The following NSD1 variants were observed in gnomAD, a reference collection of about 807,000 sequenced individuals.
NSD1 encodes histone-lysine N-methyltransferase, H3 lysine-36 specific.
A neutral mutation model predicts 242.7 loss-of-function variants in NSD1; 26 were observed. The ratio of observed to expected loss-of-function variants is 0.11; its 90% CI spans 0.08 to 0.15. NSD1 has a LOEUF of 0.15. NSD1 is among the 10% of genes least tolerant of loss of function. NSD1 has a pLI of 1.00. For missense variants in NSD1, 2,495 were observed against 3,272.8 expected (o/e 0.76, Z 5.80); for synonymous variants, 1,106 against 1,178.1 (o/e 0.94, Z 1.25).
rs765422367 is a variant in NSD1, at chr5:177,257,087, G to A, written c.4902G>A (p.Arg1634=). Residue 1634 remains arginine (R), a synonymous_variant, in exon 13 of 23, where the codon CGG becomes CGA. Transcript: ENST00000439151. ...CTGTTATGCAGAACAAGGGCTTCCG[G>A]TGCTCCCTCCACATCTGTATAACCT... ...PPTVMQNKGF[R]CSLHICITCH... 1.9e-6 allele frequency: 3 copies of A among 1,614,082 alleles called. No homozygotes were observed. The highest frequency in any genetic ancestry group is 4.5e-5 in the East Asian group (2 of 44,878).
intron 8 of NSD1, among the ~76,000 whole-genome samples, chr5:177,240,862 A>G (rs770778707): frequency 6.6e-6 from 1 of 152,092 alleles, no homozygotes; most frequent in Non-Finnish European, 1.5e-5. Context: ...AACTGTCCCA[A>G]AAAAACCCCA....
intron 8 of NSD1, among the ~76,000 whole-genome samples, chr5:177,243,338 C>T (rs1429035549): frequency 1.3e-5 from 2 of 152,274 alleles, no homozygotes; most frequent in Admixed American, 1.3e-4. Flanking sequence ...GCATGTGCCA[C>T]TGCACCTAGC....
intron 2 of NSD1, among the ~76,000 whole-genome samples, chr5:177,152,149 T>G (rs1187547962): frequency 6.6e-6 from 1 of 152,004 alleles, no homozygotes. Context: ...TGTGAGCCAC[T>G]GCACCTGGCC....
At chr5:177,192,084 T>C (rs1761734387) in intron 3 of NSD1, 65 bp downstream of exon 3, 5 of 1,352,824 alleles carry the variant, frequency 3.7e-6, no homozygotes, top group Non-Finnish European at 5.1e-6. Flanking sequence ...ATTTTTGTTA[T>C]CTTAATAATA....
intron 2 of NSD1, among the ~76,000 whole-genome samples, chr5:177,180,180 C>T (rs140987845): frequency 0.1 from 15,434 of 151,916 alleles, 1,322 homozygotes; most frequent in African/African-American, 0.24. Context: ...CTGCAACCTC[C>T]GCCTCCTGGA....
chr5:177,212,671 C>G (rs1293001093), intron 5 of NSD1, among the ~76,000 whole-genome samples: 1 of 151,882 alleles, frequency 6.6e-6, no homozygotes, highest in African/African-American at 2.4e-5. Context: ...TTTTGGGACT[C>G]AATATGTAAC....
chr5:177,219,670 T>A (rs1249724614), intron 5 of NSD1, among the ~76,000 whole-genome samples: 1 of 152,158 alleles, frequency 6.6e-6, no homozygotes, highest in Non-Finnish European at 1.5e-5. Flanking sequence ...CATAAATTTG[T>A]TAAGACTTGT....
chr5:177,293,235 G>A (rs1183417117), intron 22 of NSD1, among the ~76,000 whole-genome samples: 2 of 152,142 alleles, frequency 1.3e-5, no homozygotes, highest in African/African-American at 2.4e-5. Flanking sequence ...TGAAATGTGG[G>A]GAGGCAGGTA....
intron 2 of NSD1, among the ~76,000 whole-genome samples, chr5:177,169,868 T>C (rs1759542557): frequency 1.3e-5 from 2 of 152,194 alleles, no homozygotes; most frequent in South Asian, 4.1e-4. Flanking sequence ...ACCAACCTAA[T>C]AGTTTGCTTA....
chr5:177,251,732 T>C lies in NSD1; in HGVS notation c.4644T>C (p.Asn1548=), dbSNP rs1755985639. The part of the protein sequence containing the change: ...GAALKENVCQ[N]CEKLGELLLC... ...AGATGTTTTCTTTCTCTTAACAGAA[T>C]TGTGAAAAATTGGGTGAGCTGCTGT... The change falls in exon 12 of 23, where the codon AAT becomes AAC. Residue 1548 remains asparagine, a splice_region_variant and synonymous_variant. Transcript: ENST00000439151. The C allele has an allele frequency of 6.2e-7, 1 of 1,614,032 alleles. No individual in the cohort carries two copies. The highest frequency in any genetic ancestry group is 1.1e-5 in the South Asian group (1 of 91,086).
chr5:177,207,622 T>TTTTTTG (rs1562201667), intron 4 of NSD1, among the ~76,000 whole-genome samples: 1 of 144,924 alleles, frequency 6.9e-6, no homozygotes, highest in East Asian at 2.0e-4. Context: ...TTTTTTTTTT[T>TTTTTTG]AGAGAAGGGG....
At chr5:177,233,259 G>A (rs1054291174) in intron 5 of NSD1, among the ~76,000 whole-genome samples, 46 of 151,884 alleles carry the variant, frequency 3.0e-4, no homozygotes, top group Non-Finnish European at 4.9e-4. Flanking sequence ...AGTAGAGATG[G>A]GGTCTCACTA....
chr5:177,171,659 G>T (rs1759720936), intron 2 of NSD1, among the ~76,000 whole-genome samples: 1 of 152,072 alleles, frequency 6.6e-6, no homozygotes, highest in South Asian at 2.1e-4. Context: ...CCATTTTGTA[G>T]TAACTCTATT....
intron 2 of NSD1, among the ~76,000 whole-genome samples, chr5:177,183,339 T>G (rs954584899): frequency 9.9e-5 from 15 of 152,206 alleles, no homozygotes; most frequent in Non-Finnish European, 2.1e-4. Context: ...AATATTTGCA[T>G]TGTTGTGGTA....
intron 2 of NSD1, among the ~76,000 whole-genome samples, chr5:177,150,864 C>T (rs1218752938): frequency 1.3e-5 from 2 of 152,048 alleles, no homozygotes; most frequent in Non-Finnish European, 2.9e-5. Context: ...TGTGTCTATA[C>T]CCAGTGAAAA....
At position 177,210,941 on chromosome 5, in the gene NSD1, G is replaced by T; in HGVS notation, c.2542G>T (p.Asp848Tyr). ...GAACAATATGCATGAGAAAACCAGG[G>T]ATTCAAGTGACATAGAAACAGCAGT... ...LLNNMHEKTR[D>Y]SSDIETAVVK... The change falls in exon 5 of 23, where the codon GAT becomes TAT. Residue 848 changes from aspartate to tyrosine, a missense_variant. Transcript: ENST00000439151. 5.0e-6 allele frequency: 8 copies of T among 1,614,122 alleles called. No individual in the cohort carries two copies. The highest frequency in any genetic ancestry group is 6.8e-6 in the Non-Finnish European group (8 of 1,180,020).
At chr5:177,173,493 G>C (rs1465021387) in intron 2 of NSD1, among the ~76,000 whole-genome samples, 1 of 88,354 alleles carries the variant, frequency 1.1e-5, no homozygotes, top group Non-Finnish European at 2.1e-5. Context: ...TTTTTTTTGC[G>C]ACGGAGTTTC....
Position 177,260,128 on chromosome 5 carries a change from T to C in NSD1, c.5106T>C (p.His1702=), listed in dbSNP as rs778450121. The C allele has an allele frequency of 3.8e-5, 62 of 1,613,878 alleles. No homozygotes were observed. The highest frequency in any genetic ancestry group is 1.3e-4 in the East Asian group (6 of 44,886). Residue 1702 remains histidine (H), a synonymous_variant, in exon 14 of 23, where the codon CAT becomes CAC. Transcript: ENST00000439151. ...CCCCTAGGCGGGGCTGCCGAAATCA[T>C]GAGCATGTTAATGTTAGCTGGTGCT... is the stretch of plus-strand genomic sequence containing the variant. ...HFTPRRGCRN[H]EHVNVSWCFV...
chr5:177,256,871 C>A, intron 12 of NSD1, 80 bp from the exon 13 acceptor site: 1 of 1,210,044 alleles, frequency 8.3e-7, no homozygotes, highest in East Asian at 2.3e-5. Context: ...TATAAAATTT[C>A]TTATGAACTT....
Sources: gnomAD v4.1 joint callset for allele counts (sites outside exome capture counted in the v4.1 genomes callset) on GRCh38, gnomAD v4.1.1 for gene constraint, MANE v1.5 for transcripts, NCBI Gene and HGNC (gene_info 2026-07-23, HGNC 2026-07-21) for gene names.